PRDM16: variants seen among roughly 807,000 people sequenced by gnomAD.
PRDM16 encodes the protein histone-lysine N-methyltransferase PRDM16.
PRDM16 carries 23 observed loss-of-function variants against 110.6 expected under a neutral mutation model. The ratio of observed to expected loss-of-function variants is 0.21; its 90% confidence interval spans 0.15 to 0.29. The LOEUF is 0.29. PRDM16 is among the 10% of genes least tolerant of loss of function. The probability of loss-of-function intolerance (pLI) is 1.00; values close to 1 mark genes in which losing one functional copy is unlikely to be tolerated. For synonymous variants in PRDM16, 799 were observed against 781.8 expected (o/e 1.02, Z -0.37); for missense variants, 1,615 against 1,794.3 (o/e 0.90, Z 1.81).
chr1:3,097,364 G>A (rs1156841894), intron 1 of PRDM16, among the ~76,000 whole-genome samples: 1 of 152,218 alleles, frequency 6.6e-6, no homozygotes, highest in East Asian at 1.9e-4. Flanking sequence ...ACCTGGTGGT[G>A]CCCAGCACAC....
chr1:3,157,165 G>T lies in PRDM16; in HGVS notation c.38-28960G>T, dbSNP rs1392991460. Among the ~76,000 whole-genome samples the T allele has an allele frequency of 2.6e-5, 4 of 152,164 alleles. No homozygotes were observed. The highest frequency in any genetic ancestry group is 4.8e-5 in the African/African-American group (2 of 41,438). On this transcript the variant is annotated intron_variant, in intron 1 of 16. Coordinates refer to ENST00000270722, the MANE Select transcript of PRDM16 (RefSeq NM_022114.4). This position sits in a 1 kb window ranked among gnomAD's most constrained non-coding sequence, Gnocchi z 4.8. ...TCAGCCTGGGCGGCTCAGAGGGCGG[G>T]ACCTGGAGAAGGAGGGCCGCTCGGC...
intron 2 of PRDM16, among the ~76,000 whole-genome samples, chr1:3,220,363 G>T (rs752300030): frequency 2.0e-5 from 3 of 152,144 alleles, no homozygotes; most frequent in Non-Finnish European, 4.4e-5. Flanking sequence ...TCACGCCCAG[G>T]GCCAATCCAG....
In PRDM16 at chr1:3,244,326, AT is replaced by A. The variant is rs935466967; in HGVS notation, c.438+190del. Among the ~76,000 whole-genome samples, 1 of 151,770 alleles carries A rather than the reference AT, an allele frequency of 6.6e-6. No homozygotes were observed. The highest frequency in any genetic ancestry group is 6.6e-5 in the Admixed American group (1 of 15,226). The stretch of plus-strand genomic sequence containing the variant: ...GGTGGCTTTGCTGTCATTAGGAGGG[AT>A]GGGGAGGTGGGGGTCATGTCGCCGT... On this transcript the variant is annotated intron_variant, in intron 3 of 16. Coordinates refer to ENST00000270722, the MANE Select transcript of PRDM16 (RefSeq NM_022114.4). This position sits in a 1 kb window ranked among gnomAD's most constrained non-coding sequence, Gnocchi z 4.1.
At chr1:3,327,947 T>C (rs1641954512) in intron 3 of PRDM16, among the ~76,000 whole-genome samples, 2 of 152,280 alleles carry the variant, frequency 1.3e-5, no homozygotes, top group Admixed American at 6.5e-5. Flanking sequence ...AAATACAAGT[T>C]CACACAAGCA....
At chr1:3,192,502 A>G (rs979343278) in intron 2 of PRDM16, among the ~76,000 whole-genome samples, 3 of 152,184 alleles carry the variant, frequency 2.0e-5, no homozygotes, top group African/African-American at 7.2e-5. Context: ...ATGTGGGTTC[A>G]GGACTGGGTT....
chr1:3,304,692 G>A (rs993844280), intron 3 of PRDM16, among the ~76,000 whole-genome samples: 11 of 152,194 alleles, frequency 7.2e-5, no homozygotes, highest in African/African-American at 1.2e-4. Context: ...CAGTGTCGGT[G>A]TCTCTGTGAG....
chr1:3,425,633 G>A lies in PRDM16; in HGVS notation c.2992G>A (p.Val998Ile), dbSNP rs144180800. The A allele has an allele frequency of 2.9e-5, 47 of 1,613,946 alleles. No individual in the cohort carries two copies. The highest frequency in any genetic ancestry group is 5.0e-5 in the Admixed American group (3 of 60,020). The part of the protein sequence containing the change: ...FSISSNLQRH[V>I]RNIHNKEKPF... ...CATCTCTTCGAACCTCCAGCGGCAC[G>A]TCCGGAACATCCACAACAAGGAGAA... The change falls in exon 13 of 17, where the codon GTC becomes ATC. Residue 998 changes from valine (V) to isoleucine (I), a missense_variant. Physicochemically the swap from Val to Ile is conservative, Grantham distance 29. Coordinates refer to ENST00000270722, the MANE Select transcript of PRDM16 (RefSeq NM_022114.4). The surrounding 1 kb of genome is among the most constrained non-coding windows in gnomAD (Gnocchi z 6.9).
chr1:3,270,972 G>A (rs1184458869), intron 3 of PRDM16, among the ~76,000 whole-genome samples: 1 of 152,218 alleles, frequency 6.6e-6, no homozygotes, highest in East Asian at 1.9e-4. Context: ...AGTCCCAGAG[G>A]AGGACAGTGT....
At chr1:3,401,684 G>A (rs931815218) in intron 5 of PRDM16, among the ~76,000 whole-genome samples, 3 of 152,110 alleles carry the variant, frequency 2.0e-5, no homozygotes, top group Non-Finnish European at 4.4e-5. Flanking sequence ...ACACAACATA[G>A]CCACCCATGC....
chr1:3,309,744 T>G (rs1641403651), intron 3 of PRDM16: 1 of 151,988 alleles, frequency 6.6e-6, no homozygotes, highest in South Asian at 2.1e-4. Flanking sequence ...TGACTGTGAC[T>G]CCAGAGGCCA....
At chr1:3,287,472 G>A (rs1354615673) in intron 3 of PRDM16, among the ~76,000 whole-genome samples, 3 of 81,838 alleles carry the variant, frequency 3.7e-5, no homozygotes, top group Admixed American at 1.4e-4. Flanking sequence ...TGCCACGCGG[G>A]CATCCAGGAT....
intron 3 of PRDM16, among the ~76,000 whole-genome samples, chr1:3,355,660 T>C (rs1642581007): frequency 6.6e-6 from 1 of 152,080 alleles, no homozygotes. Context: ...ACACCTTCAC[T>C]CTTGTGGCCC....
At chr1:3,277,379 C>T (rs1640609891) in intron 3 of PRDM16, among the ~76,000 whole-genome samples, 1 of 152,234 alleles carries the variant, frequency 6.6e-6, no homozygotes, top group Admixed American at 6.5e-5. Flanking sequence ...GGCACGTCAG[C>T]CGGGAAGGCT....
At chr1:3,134,030 C>G (rs12120879) in intron 1 of PRDM16, among the ~76,000 whole-genome samples, 19,853 of 152,188 alleles carry the variant, frequency 0.13, 1,738 homozygotes, top group East Asian at 0.24. Flanking sequence ...AAAGGTCAGG[C>G]AGCGCGTCCA....
intron 3 of PRDM16, among the ~76,000 whole-genome samples, chr1:3,355,143 G>A (rs987574879): frequency 6.6e-6 from 1 of 152,124 alleles, no homozygotes; most frequent in African/African-American, 2.4e-5. Context: ...TTGGATCGTG[G>A]GCCACAGAAC....
intron 1 of PRDM16, among the ~76,000 whole-genome samples, chr1:3,079,919 AC>A (rs1307983007): frequency 6.6e-6 from 1 of 152,188 alleles, no homozygotes; most frequent in Non-Finnish European, 1.5e-5. Flanking sequence ...TGAAAGAGCC[AC>A]TTGCCTTGGC....
At chr1:3,155,750 G>A (rs553996367) in intron 1 of PRDM16, among the ~76,000 whole-genome samples, 2 of 152,224 alleles carry the variant, frequency 1.3e-5, no homozygotes, top group Admixed American at 6.5e-5. Context: ...AATCTAGGTG[G>A]TTGCAAGGCT....
At chr1:3,097,829 C>T (rs1046799250) in intron 1 of PRDM16, among the ~76,000 whole-genome samples, 3 of 152,122 alleles carry the variant, frequency 2.0e-5, no homozygotes, top group Admixed American at 1.3e-4. Flanking sequence ...GGGGCCCAAG[C>T]ATGCAGGGAT....
At position 3,438,141 on chromosome 1, in the gene PRDM16, G is replaced by A. The variant is rs186166334; in HGVS notation, c.*4330G>A. On this transcript the variant is annotated 3_prime_UTR_variant, in exon 17 of 17. Coordinates refer to ENST00000270722, the MANE Select transcript of PRDM16 (RefSeq NM_022114.4). ...AAAGACCATTGAGAAGGAGGCTGGC[G>A]CTCGCCCCATGTCCCCCTTGATTGT... 6.2e-4 allele frequency: 127 copies of A among 205,966 alleles called. 1 individual carries two copies. The highest frequency in any genetic ancestry group is 1.3e-3 in the Admixed American group (22 of 16,818). The allele number at this position is 205,966 out of a possible 1,614,324, so 12.8% of individuals were successfully genotyped here. A position where few individuals can be genotyped will look rare whatever the true frequency, so the allele number is the denominator to read the frequency against.
Sources: allele counts gnomAD v4.1 joint callset (sites outside exome capture counted in the v4.1 genomes callset), GRCh38; gene constraint gnomAD v4.1.1; non-coding constraint Gnocchi (gnomAD v3.1); transcripts MANE v1.5; gene names NCBI Gene and HGNC (gene_info 2026-07-23, HGNC 2026-07-21).